AGMO: variants seen among roughly 807,000 people sequenced by gnomAD.
AGMO encodes the protein glyceryl-ether monooxygenase.
In AGMO, 75 loss-of-function variants were observed where a neutral mutation model predicts 60.2. The ratio of observed to expected loss-of-function variants is 1.25; its 90% CI spans 1.03 to 1.51. The LOEUF is 1.51. Among genes scored for constraint, AGMO ranks in the 40% most tolerant of loss-of-function variants. AGMO has a pLI of 0.00. For synonymous variants in AGMO, 261 were observed against 177.1 expected, an observed-to-expected ratio of 1.47 and a Z score of -3.76; for missense variants, 763 against 525.5, an observed-to-expected ratio of 1.45 and a Z score of -4.42.
At chr7:15,167,366 A>T in the AGMO span, among the ~76,000 whole-genome samples, 1 of 152,276 alleles carries the variant, frequency 6.6e-6, no homozygotes, top group East Asian at 1.9e-4. Context: ...CTTCTTTCGG[A>T]CTTTATTTGT....
intron 2 of AGMO, among the ~76,000 whole-genome samples, chr7:15,556,400 T>C (rs1274143297): frequency 6.6e-6 from 1 of 151,984 alleles, no homozygotes; most frequent in Non-Finnish European, 1.5e-5. Flanking sequence ...CAACTTTATT[T>C]GAAAATTTAC....
chr7:15,467,668 C>T (rs969273533), intron 3 of AGMO, among the ~76,000 whole-genome samples: 3 of 152,124 alleles, frequency 2.0e-5, no homozygotes, highest in South Asian at 4.2e-4. Context: ...TTTTACACAG[C>T]GTATTTGCTC....
the AGMO span, among the ~76,000 whole-genome samples, chr7:15,193,589 T>C: frequency 2.0e-5 from 3 of 152,170 alleles, no homozygotes; most frequent in Non-Finnish European, 4.4e-5. Flanking sequence ...CCTAGTTTAA[T>C]AGGGATCAAT....
At chr7:15,172,055 C>G in the AGMO span, among the ~76,000 whole-genome samples, 1 of 151,796 alleles carries the variant, frequency 6.6e-6, no homozygotes, top group South Asian at 2.1e-4. Context: ...TTTTAGATTC[C>G]CACACAAAGA....
intron 3 of AGMO, among the ~76,000 whole-genome samples, chr7:15,454,566 T>C (rs1445440563): frequency 1.3e-5 from 2 of 152,078 alleles, no homozygotes; most frequent in Admixed American, 1.3e-4. Flanking sequence ...GTTAACATCT[T>C]AGTGTGTAGC....
intron 3 of AGMO, among the ~76,000 whole-genome samples, chr7:15,437,115 C>G (rs1428315585): frequency 6.6e-6 from 1 of 152,054 alleles, no homozygotes; most frequent in African/African-American, 2.4e-5. Context: ...CAGACTCAAG[C>G]TACCAAACTA....
chr7:15,547,795 C>G (rs568437873), intron 2 of AGMO, among the ~76,000 whole-genome samples: 3,681 of 150,030 alleles, frequency 0.025, 59 homozygotes, highest in Non-Finnish European at 0.034. Context: ...CGGGAAGCTC[C>G]AACTGGGTGG....
At chr7:15,265,763 T>C (rs1489563805) in intron 12 of AGMO, among the ~76,000 whole-genome samples, 2 of 152,202 alleles carry the variant, frequency 1.3e-5, no homozygotes, top group South Asian at 2.1e-4. Context: ...CTATATGATA[T>C]AGCAATTCCA....
At chr7:15,485,145 A>C (rs1243411592) in intron 3 of AGMO, among the ~76,000 whole-genome samples, 1 of 149,814 alleles carries the variant, frequency 6.7e-6, no homozygotes, top group African/African-American at 2.4e-5. Flanking sequence ...AAAAATACAA[A>C]AAAAAAAAAA....
chr7:15,217,091 G>C (rs374220739), intron 12 of AGMO, among the ~76,000 whole-genome samples: 3 of 152,124 alleles, frequency 2.0e-5, no homozygotes, highest in South Asian at 4.1e-4. Flanking sequence ...AGGTGAGGAA[G>C]GAAATACAGT....
At chr7:15,373,259 C>CA (rs750542217) in intron 10 of AGMO, among the ~76,000 whole-genome samples, 1 of 150,882 alleles carries the variant, frequency 6.6e-6, no homozygotes, top group Non-Finnish European at 1.5e-5. Context: ...GCCTGGACAA[C>CA]AGAGTGATAT....
chr7:15,509,710 C>T (rs1251072471), intron 3 of AGMO, among the ~76,000 whole-genome samples: 1 of 152,048 alleles, frequency 6.6e-6, no homozygotes, highest in African/African-American at 2.4e-5. Flanking sequence ...AACTACTCAT[C>T]AGTAAAAAAA....
At chr7:15,551,143 A>C (rs1434028060) in intron 2 of AGMO, among the ~76,000 whole-genome samples, 2 of 152,220 alleles carry the variant, frequency 1.3e-5, no homozygotes, top group African/African-American at 4.8e-5. Flanking sequence ...GCTCTCAATA[A>C]ATTAGATATT....
the AGMO span, among the ~76,000 whole-genome samples, chr7:15,135,979 C>CTTTTTTTTTTTTTTTTTTTTTGTTT: frequency 7.5e-5 from 8 of 106,870 alleles, no homozygotes; most frequent in South Asian, 3.3e-4. Context: ...TTTTTCTTTT[C>CTTTTTTTTTTTTTTTTTTTTTGTTT]TTTTTTTTTT....
At chr7:15,517,334 T>C (rs1163518316) in intron 3 of AGMO, among the ~76,000 whole-genome samples, 1 of 147,206 alleles carries the variant, frequency 6.8e-6, no homozygotes. Context: ...TGTGTGTGTG[T>C]ATATACTTAT....
intron 12 of AGMO, among the ~76,000 whole-genome samples, chr7:15,264,445 T>C (rs1442003409): frequency 1.3e-5 from 2 of 152,080 alleles, no homozygotes; most frequent in Non-Finnish European, 2.9e-5. Flanking sequence ...CATTAAGTCT[T>C]TTCTATGATA....
intron 2 of AGMO, among the ~76,000 whole-genome samples, chr7:15,547,501 T>TCGGGAAG (rs1164345972): frequency 3.3e-5 from 5 of 152,028 alleles, no homozygotes; most frequent in African/African-American, 1.2e-4. Flanking sequence ...ATTGCCTCAC[T>TCGGGAAG]CGGGAAGCGC....
At chr7:15,407,502 A>G (rs1784738070) in intron 5 of AGMO, among the ~76,000 whole-genome samples, 1 of 151,586 alleles carries the variant, frequency 6.6e-6, no homozygotes, top group African/African-American at 2.4e-5. Context: ...AGAAGAGTAG[A>G]TGACTTAAGG....
At chr7:15,256,258 G>T (rs568237271) in intron 12 of AGMO, among the ~76,000 whole-genome samples, 1 of 152,236 alleles carries the variant, frequency 6.6e-6, no homozygotes, top group East Asian at 1.9e-4. Flanking sequence ...GTACAGTCAT[G>T]TACCACATAA....
Sources: gnomAD v4.1 joint callset for allele counts (sites outside exome capture counted in the v4.1 genomes callset) on GRCh38, gnomAD v4.1.1 for gene constraint, MANE v1.5 for transcripts, NCBI Gene and HGNC (gene_info 2026-07-23, HGNC 2026-07-21) for gene names.